CADM2: variants seen among roughly 807,000 people sequenced by gnomAD.
CADM2 encodes the protein cell adhesion molecule 2, also known as immunoglobulin superfamily member 4D.
Under a neutral mutation model 49.8 loss-of-function variants are expected in CADM2, and 12 were observed. The observed-to-expected ratio is 0.24, with a 90% CI of 0.15 to 0.39. The LOEUF (loss-of-function observed/expected upper bound fraction) is 0.39, where lower values mean the gene tolerates loss of function less well. Among genes scored for constraint, CADM2 ranks in the 10% least tolerant of loss-of-function variants. The probability of loss-of-function intolerance (pLI) is 1.00; values close to 1 mark genes in which losing one functional copy is unlikely to be tolerated. For missense variants in CADM2, 378 were observed against 492.3 expected (o/e 0.77, Z 2.20); for synonymous variants, 214 against 175.4 (o/e 1.22, Z -1.74).
intron 1 of CADM2, among the ~76,000 whole-genome samples, chr3:85,274,165 A>C (rs1193270337): frequency 6.6e-6 from 1 of 151,340 alleles, no homozygotes; most frequent in Non-Finnish European, 1.5e-5. Context: ...TTAAAGAGAA[A>C]ATGAGAGGAG....
At chr3:85,893,918 C>A (rs564660122) in intron 5 of CADM2, among the ~76,000 whole-genome samples, 1 of 152,172 alleles carries the variant, frequency 6.6e-6, no homozygotes, top group Admixed American at 6.5e-5. Flanking sequence ...ACGAATTCAA[C>A]CGTTGTGGAA....
intron 1 of CADM2, among the ~76,000 whole-genome samples, chr3:85,388,801 A>G (rs2034375490): frequency 3.9e-5 from 6 of 152,110 alleles, no homozygotes. Flanking sequence ...AAACACAGAA[A>G]AATCATATTC....
intron 2 of CADM2, among the ~76,000 whole-genome samples, chr3:85,739,012 A>T (rs892944034): frequency 6.6e-6 from 1 of 152,144 alleles, no homozygotes; most frequent in Non-Finnish European, 1.5e-5. Flanking sequence ...AAAATAAAGT[A>T]TGTATAGTAC....
intron 1 of CADM2, among the ~76,000 whole-genome samples, chr3:85,370,843 G>C (rs1249978948): frequency 6.6e-6 from 1 of 152,080 alleles, no homozygotes; most frequent in Non-Finnish European, 1.5e-5. Context: ...ACAAAATATG[G>C]AGTTAGAAAG....
At chr3:85,361,644 C>T (rs1439863954) in intron 1 of CADM2, among the ~76,000 whole-genome samples, 3 of 152,146 alleles carry the variant, frequency 2.0e-5, no homozygotes, top group South Asian at 2.1e-4. Flanking sequence ...GGCTTTCTGC[C>T]ATCTAGGATC....
At chr3:85,587,397 ATAGG>A (rs1284196208) in intron 1 of CADM2, among the ~76,000 whole-genome samples, 28 of 152,148 alleles carry the variant, frequency 1.8e-4, no homozygotes, top group African/African-American at 6.0e-4. Flanking sequence ...AAGAATCCAG[ATAGG>A]TAGCACCTTA....
intron 1 of CADM2, among the ~76,000 whole-genome samples, chr3:85,516,226 G>A (rs1396824115): frequency 6.6e-6 from 1 of 152,066 alleles, no homozygotes; most frequent in Non-Finnish European, 1.5e-5. Flanking sequence ...TGTCTTTTGT[G>A]AGCTCCTTTT....
intron 1 of CADM2, among the ~76,000 whole-genome samples, chr3:85,188,744 A>G (rs2041127349): frequency 6.6e-6 from 1 of 152,048 alleles, no homozygotes; most frequent in Non-Finnish European, 1.5e-5. Context: ...TTAAAAATGA[A>G]GAGCAGGCCA....
intron 1 of CADM2, among the ~76,000 whole-genome samples, chr3:85,641,662 C>T (rs1439024137): frequency 2.0e-5 from 3 of 151,946 alleles, no homozygotes; most frequent in African/African-American, 4.8e-5. Context: ...CACGGTGGCT[C>T]ATGCCTGTAA....
chr3:85,735,328 A>C (rs1164906545), intron 2 of CADM2, among the ~76,000 whole-genome samples: 1 of 152,182 alleles, frequency 6.6e-6, no homozygotes, highest in Non-Finnish European at 1.5e-5. Context: ...AAGAGGAAAC[A>C]GCAAAGACAA....
At chr3:85,006,943 T>C (rs1157599986) in intron 1 of CADM2, among the ~76,000 whole-genome samples, 1 of 152,102 alleles carries the variant, frequency 6.6e-6, no homozygotes, top group Non-Finnish European at 1.5e-5. Context: ...GATTATCCCT[T>C]AGGGTATTTT....
chr3:85,472,862 A>G (rs1268227789), intron 1 of CADM2, among the ~76,000 whole-genome samples: 1 of 152,104 alleles, frequency 6.6e-6, no homozygotes, highest in East Asian at 1.9e-4. Context: ...GCTAGGAGTG[A>G]TAGAGTAACT....
chr3:84,994,810 C>T (rs1006618958), intron 1 of CADM2, among the ~76,000 whole-genome samples: 6 of 151,958 alleles, frequency 3.9e-5, no homozygotes, highest in African/African-American at 9.7e-5. Flanking sequence ...GGCCAGATCA[C>T]GATGTCAGGA....
intron 8 of CADM2, among the ~76,000 whole-genome samples, chr3:85,988,233 T>C (rs1728355326): frequency 6.6e-6 from 1 of 152,214 alleles, no homozygotes; most frequent in African/African-American, 2.4e-5. Context: ...GCTTCAATAA[T>C]ACAGTAGTTT....
intron 1 of CADM2, among the ~76,000 whole-genome samples, chr3:85,640,945 A>ATC (rs1001165625): frequency 2.6e-5 from 4 of 152,150 alleles, no homozygotes; most frequent in African/African-American, 9.7e-5. Context: ...TTTTTGCCTA[A>ATC]TCTATACCTT....
intron 1 of CADM2, among the ~76,000 whole-genome samples, chr3:85,481,720 AT>A (rs2039219751): frequency 6.6e-6 from 1 of 151,732 alleles, no homozygotes. Flanking sequence ...TTTCAAGCAT[AT>A]TTAAATTCTT....
chr3:86,044,996 G>A (rs1037759960), intron 8 of CADM2, among the ~76,000 whole-genome samples: 3 of 150,248 alleles, frequency 2.0e-5, no homozygotes, highest in African/African-American at 4.9e-5. Flanking sequence ...ACTCATAGGT[G>A]GGAATTGAAC....
chr3:85,730,164 G>A (rs2067868276), intron 2 of CADM2, among the ~76,000 whole-genome samples: 1 of 152,078 alleles, frequency 6.6e-6, no homozygotes, highest in Middle Eastern at 3.4e-3. Context: ...ATTCCTGGCC[G>A]GGTGCAGTGG....
chr3:85,878,440 G>C (rs1397563516), intron 3 of CADM2, among the ~76,000 whole-genome samples: 1 of 152,034 alleles, frequency 6.6e-6, no homozygotes, highest in Non-Finnish European at 1.5e-5. Context: ...ACAACTGAAA[G>C]TATTATATGA....
Sources: allele counts gnomAD v4.1 joint callset (sites outside exome capture counted in the v4.1 genomes callset), GRCh38; gene constraint gnomAD v4.1.1; transcripts MANE v1.5; gene names NCBI Gene and HGNC (gene_info 2026-07-23, HGNC 2026-07-21).